The following CNTNAP2 variants were observed in gnomAD, a reference collection of about 807,000 sequenced individuals.
CNTNAP2 encodes the protein contactin associated protein 2.
CNTNAP2 carries 98 observed loss-of-function variants against 155.2 expected under a neutral mutation model. That is an observed-to-expected ratio of 0.63 (90% CI 0.54 to 0.75). The LOEUF (loss-of-function observed/expected upper bound fraction) is 0.75, where lower values mean the gene tolerates loss of function less well. Among genes scored for constraint, CNTNAP2 ranks in the 30% least tolerant of loss-of-function variants. The pLI is 0.00. For missense variants in CNTNAP2, 1,727 were observed against 1,688.1 expected, an observed-to-expected ratio of 1.02 and a Z score of -0.40; for synonymous variants, 651 against 631.2, an observed-to-expected ratio of 1.03 and a Z score of -0.47.
chr7:147,188,140 A>G (rs1267848170), intron 8 of CNTNAP2, among the ~76,000 whole-genome samples: 1 of 152,250 alleles, frequency 6.6e-6, no homozygotes, highest in Admixed American at 6.5e-5. Context: ...GAAAGAGGAT[A>G]CATAATAGTA....
intron 3 of CNTNAP2, among the ~76,000 whole-genome samples, chr7:146,984,606 A>G (rs988267563): frequency 1.3e-5 from 2 of 152,166 alleles, no homozygotes; most frequent in African/African-American, 4.8e-5. Flanking sequence ...AGATGATAAC[A>G]GAAGTAAGAG....
chr7:148,297,563 T>C (rs1797308383), intron 21 of CNTNAP2, among the ~76,000 whole-genome samples: 1 of 152,182 alleles, frequency 6.6e-6, no homozygotes. Flanking sequence ...AAAGTGCTAT[T>C]CGGTTTTCAG....
At chr7:147,276,636 G>A (rs1325973875) in intron 8 of CNTNAP2, among the ~76,000 whole-genome samples, 4 of 151,974 alleles carry the variant, frequency 2.6e-5, no homozygotes, top group African/African-American at 9.7e-5. Context: ...TTAGATTGAA[G>A]CATTGTTTTC....
intron 13 of CNTNAP2, among the ~76,000 whole-genome samples, chr7:147,705,677 G>A (rs1483839571): frequency 1.3e-5 from 2 of 152,018 alleles, no homozygotes; most frequent in African/African-American, 4.8e-5. Context: ...TTATCGTATT[G>A]GAGTCTATCT....
intron 8 of CNTNAP2, among the ~76,000 whole-genome samples, chr7:147,272,211 T>G (rs946241375): frequency 6.6e-6 from 1 of 152,014 alleles, no homozygotes; most frequent in African/African-American, 2.4e-5. Flanking sequence ...GAAATTAGAT[T>G]GCTCATCCTA....
intron 14 of CNTNAP2, among the ~76,000 whole-genome samples, chr7:147,932,326 C>G (rs1450148012): frequency 6.6e-6 from 1 of 152,148 alleles, no homozygotes; most frequent in African/African-American, 2.4e-5. Context: ...TATTCTGAAG[C>G]TTCAGTAATT....
chr7:146,494,033 T>A (rs925240259), intron 1 of CNTNAP2, among the ~76,000 whole-genome samples: 1 of 152,038 alleles, frequency 6.6e-6, no homozygotes. Context: ...AAATAAAAAA[T>A]TTAAAAAATA....
chr7:146,300,749 G>T (rs556514823), intron 1 of CNTNAP2, among the ~76,000 whole-genome samples: 5 of 152,038 alleles, frequency 3.3e-5, no homozygotes, highest in South Asian at 4.2e-4. Flanking sequence ...AAAATCTGAA[G>T]AAATAAATCA....
At chr7:147,618,714 C>G (rs1158471403) in intron 12 of CNTNAP2, among the ~76,000 whole-genome samples, 3 of 146,154 alleles carry the variant, frequency 2.1e-5, no homozygotes, top group Middle Eastern at 3.3e-3. Flanking sequence ...ATTATACACA[C>G]ACACACACAC....
At chr7:147,511,454 A>G (rs1799019226) in intron 11 of CNTNAP2, among the ~76,000 whole-genome samples, 1 of 107,158 alleles carries the variant, frequency 9.3e-6, no homozygotes, top group Non-Finnish European at 2.0e-5. Context: ...ATCCTTTAAA[A>G]CAACATTTTT....
At chr7:146,158,981 C>G (rs980398634) in intron 1 of CNTNAP2, among the ~76,000 whole-genome samples, 9 of 152,102 alleles carry the variant, frequency 5.9e-5, no homozygotes, top group Non-Finnish European at 1.3e-4. Context: ...ATGTTAAGGG[C>G]AGCCAGAGAG....
intron 20 of CNTNAP2, among the ~76,000 whole-genome samples, chr7:148,261,867 C>T (rs12670862): frequency 0.26 from 39,927 of 152,112 alleles, 5,785 homozygotes; most frequent in East Asian, 0.54. Context: ...CTATCCCCCT[C>T]CTCGAGCCTG....
At chr7:148,167,692 T>C (rs1805695574) in intron 17 of CNTNAP2, among the ~76,000 whole-genome samples, 1 of 152,052 alleles carries the variant, frequency 6.6e-6, no homozygotes, top group Non-Finnish European at 1.5e-5. Context: ...CCTTTATCTG[T>C]GGATGGGGAA....
At chr7:147,207,951 T>C (rs1202518123) in intron 8 of CNTNAP2, among the ~76,000 whole-genome samples, 3 of 152,166 alleles carry the variant, frequency 2.0e-5, no homozygotes, top group Non-Finnish European at 4.4e-5. Flanking sequence ...TGAAATATCA[T>C]CTGTAATCAT....
chr7:148,225,219 GT>G (rs1434659003), intron 19 of CNTNAP2, among the ~76,000 whole-genome samples: 1 of 152,200 alleles, frequency 6.6e-6, no homozygotes, highest in Non-Finnish European at 1.5e-5. Context: ...AGTATGTTGT[GT>G]GCTAAGAACT....
At chr7:146,501,217 T>C (rs1299460817) in intron 1 of CNTNAP2, among the ~76,000 whole-genome samples, 1 of 152,168 alleles carries the variant, frequency 6.6e-6, no homozygotes, top group African/African-American at 2.4e-5. Flanking sequence ...GGTATGAAGG[T>C]ATATAGGACT....
At chr7:146,422,562 C>T (rs1001429303) in intron 1 of CNTNAP2, among the ~76,000 whole-genome samples, 2 of 151,870 alleles carry the variant, frequency 1.3e-5, no homozygotes, top group African/African-American at 4.8e-5. Context: ...CAAAGCATGA[C>T]AATTTGTAAG....
intron 14 of CNTNAP2, among the ~76,000 whole-genome samples, chr7:147,925,154 A>AGAAG (rs144682428): frequency 0.058 from 3,678 of 63,092 alleles, 213 homozygotes; most frequent in South Asian, 0.077. Flanking sequence ...AGAGAGAGAG[A>AGAAG]GAAGGAAGGA....
At chr7:148,292,103 G>T (rs1267113419) in intron 21 of CNTNAP2, among the ~76,000 whole-genome samples, 2 of 152,084 alleles carry the variant, frequency 1.3e-5, no homozygotes, top group Non-Finnish European at 2.9e-5. Context: ...AAAAGCAAAG[G>T]TTTTTTTGTT....
Sources: allele counts gnomAD v4.1 joint callset (sites outside exome capture counted in the v4.1 genomes callset), GRCh38; gene constraint gnomAD v4.1.1; transcripts MANE v1.5; gene names NCBI Gene and HGNC (gene_info 2026-07-23, HGNC 2026-07-21).